PARD3B: variants seen among roughly 807,000 people sequenced by gnomAD.
PARD3B encodes the protein partitioning defective 3 homolog B.
In PARD3B, 103 loss-of-function variants were observed where a neutral mutation model predicts 130.2. The ratio of observed to expected loss-of-function variants is 0.79; its 90% CI spans 0.67 to 0.93. The LOEUF (loss-of-function observed/expected upper bound fraction) is 0.93. Among genes scored for constraint, PARD3B ranks in the 40% least tolerant of loss-of-function variants. The pLI, the probability that PARD3B is intolerant of heterozygous loss-of-function variation, is 0.00. For missense variants in PARD3B, 1,609 were observed against 1,499.2 expected (o/e 1.07, Z -1.21); for synonymous variants, 583 against 553.2 (o/e 1.05, Z -0.76).
At chr2:205,437,343 C>A (rs2047553534) in intron 19 of PARD3B, among the ~76,000 whole-genome samples, 1 of 152,108 alleles carries the variant, frequency 6.6e-6, no homozygotes, top group Non-Finnish European at 1.5e-5. Context: ...ACAGATATGA[C>A]AGAAATACTC....
intron 3 of PARD3B, among the ~76,000 whole-genome samples, chr2:204,966,744 A>T (rs1404204588): frequency 6.6e-6 from 1 of 152,124 alleles, no homozygotes; most frequent in Non-Finnish European, 1.5e-5. Flanking sequence ...AAGAAAAAAA[A>T]GTCAGCCGAG....
chr2:204,842,775 C>T (rs2044305954), intron 2 of PARD3B, among the ~76,000 whole-genome samples: 1 of 152,138 alleles, frequency 6.6e-6, no homozygotes, highest in African/African-American at 2.4e-5. Flanking sequence ...TCGCTCTGTA[C>T]AGCAGGCCTG....
intron 16 of PARD3B, among the ~76,000 whole-genome samples, chr2:205,262,446 C>A (rs2040351372): frequency 6.6e-6 from 1 of 151,928 alleles, no homozygotes. Flanking sequence ...CACACAATAC[C>A]CTTGGCTCCA....
At chr2:205,064,986 A>C (rs552162481) in intron 4 of PARD3B, among the ~76,000 whole-genome samples, 1 of 152,308 alleles carries the variant, frequency 6.6e-6, no homozygotes, top group South Asian at 2.1e-4. Flanking sequence ...CTGTTGAATA[A>C]AAATCTTTGG....
intron 10 of PARD3B, among the ~76,000 whole-genome samples, chr2:205,153,126 G>A (rs972579778): frequency 2.6e-5 from 4 of 152,166 alleles, no homozygotes; most frequent in Non-Finnish European, 4.4e-5. Flanking sequence ...AGCAAACGTT[G>A]CTGCCTGATC....
chr2:205,566,223 G>A (rs55645693), intron 22 of PARD3B, among the ~76,000 whole-genome samples: 1 of 152,120 alleles, frequency 6.6e-6, no homozygotes, highest in Non-Finnish European at 1.5e-5. Flanking sequence ...ACCTTTGCGG[G>A]GTTTTAAGCA....
rs114247371 is a variant in PARD3B at position 205,226,515 on chromosome 2, T to C, written c.2141-19263T>C. ...GTTTTATATGTAAGTATTTAATCCA[T>C]GTAGATTTGATTTTTTTTTATATGG... On this transcript the variant is annotated intron_variant, in intron 15 of 22. Coordinates refer to ENST00000406610, the MANE Select transcript of PARD3B (RefSeq NM_001302769.2). 5.9e-3 allele frequency among the ~76,000 whole-genome samples: 906 copies of C among 152,292 alleles called. 11 individuals are homozygous for C. The highest frequency in any genetic ancestry group is 0.02 in the African/African-American group (851 of 41,546).
chr2:204,734,578 A>G (rs1251696670), intron 2 of PARD3B, among the ~76,000 whole-genome samples: 3 of 152,206 alleles, frequency 2.0e-5, no homozygotes, highest in African/African-American at 7.2e-5. Context: ...ATACAGTGGA[A>G]CAACTACTTT....
At chr2:204,752,537 A>T (rs2040505049) in intron 2 of PARD3B, among the ~76,000 whole-genome samples, 1 of 152,180 alleles carries the variant, frequency 6.6e-6, no homozygotes, top group Admixed American at 6.5e-5. Flanking sequence ...TGTGAAACCC[A>T]ACTTATTTTC....
rs955727531 is a variant in PARD3B, at chr2:205,281,001, G to C, written c.2186-19529G>C. Reference sequence around the variant, plus strand: ...AGCCATAAATTTTAACTTTACTTATGAGCAAAGGCTGAAACACTGTGAAAG... The same window carrying C: ...AGCCATAAATTTTAACTTTACTTATCAGCAAAGGCTGAAACACTGTGAAAG... On this transcript the variant is annotated intron_variant, in intron 16 of 22. Coordinates refer to ENST00000406610, the MANE Select transcript of PARD3B (RefSeq NM_001302769.2). The surrounding 1 kb of genome is among the most constrained non-coding windows in gnomAD (Gnocchi z 4.2). Among the ~76,000 whole-genome samples the C allele has an allele frequency of 6.6e-6, 1 of 152,132 alleles. No homozygotes were observed. The highest frequency in any genetic ancestry group is 1.5e-5 in the Non-Finnish European group (1 of 68,026).
chr2:205,440,453 A>G lies in PARD3B; in HGVS notation c.2825A>G (p.Tyr942Cys), dbSNP rs537597660. ...DYATGAIGSV[Y>C]DMDDDEMDPN... is the part of the protein sequence containing the mutation. Reference sequence around the variant, plus strand: ...GCTACTGGTGCAATTGGATCAGTGTATGATATGGATGATGATGAAATGGAC... The same window carrying G: ...GCTACTGGTGCAATTGGATCAGTGTGTGATATGGATGATGATGAAATGGAC... The change falls in exon 20 of 23, where the codon TAT becomes TGT. Residue 942 changes from tyrosine to cysteine, a missense_variant. Transcript: ENST00000406610. This position sits in a 1 kb window ranked among gnomAD's most constrained non-coding sequence, Gnocchi z 4.2. 3.1e-6 allele frequency: 5 copies of G among 1,614,112 alleles called. No individual in the cohort carries two copies. Among genetic ancestry groups the G allele is most frequent in the African/African-American group, 1.3e-5 (1 of 75,056 alleles).
intron 18 of PARD3B, among the ~76,000 whole-genome samples, chr2:205,307,805 A>G (rs1223446210): frequency 6.6e-6 from 1 of 152,114 alleles, no homozygotes; most frequent in Non-Finnish European, 1.5e-5. Context: ...CATTTTTTTT[A>G]TATAATAGCT....
chr2:204,901,970 A>G (rs11689804), intron 2 of PARD3B, among the ~76,000 whole-genome samples: 29,524 of 151,900 alleles, frequency 0.19, 3,468 homozygotes, highest in Non-Finnish European at 0.26. Flanking sequence ...CTGGTATCCC[A>G]GTTGCAAGAC....
At chr2:205,522,906 T>C (rs549854181) in intron 21 of PARD3B, among the ~76,000 whole-genome samples, 9 of 152,230 alleles carry the variant, frequency 5.9e-5, no homozygotes, top group African/African-American at 2.2e-4. Flanking sequence ...TTATTAATTA[T>C]ATTGTTTTTG....
intron 1 of PARD3B, among the ~76,000 whole-genome samples, chr2:204,583,745 C>T (rs142108412): frequency 6.1e-4 from 93 of 152,180 alleles, no homozygotes; most frequent in Middle Eastern, 3.4e-3. Flanking sequence ...GATTCCTGGC[C>T]CACTACAGAC....
chr2:205,553,204 C>A, intron 21 of PARD3B, 120 bp from the exon 22 acceptor site: 1 of 863,100 alleles, frequency 1.2e-6, no homozygotes, highest in Non-Finnish European at 1.8e-6. Flanking sequence ...GCTTGCTTTT[C>A]CATGGTTGAT....
chr2:205,002,099 C>A (rs555050699), intron 3 of PARD3B, among the ~76,000 whole-genome samples: 3 of 152,156 alleles, frequency 2.0e-5, no homozygotes, highest in African/African-American at 7.2e-5. Context: ...GTTTAAAAAC[C>A]CAACTGCCTG....
rs1431938358 is a variant in PARD3B, at chr2:205,176,422, T to C, written c.1792-23T>C. The C allele has an allele frequency of 3.8e-6, 6 of 1,578,202 alleles. No individual in the cohort carries two copies. Among genetic ancestry groups the C allele is most frequent in the South Asian group, 2.3e-5 (2 of 85,180 alleles). On this transcript the variant is annotated intron_variant, in intron 12 of 22. Transcript: ENST00000406610. The surrounding 1 kb of genome is among the most constrained non-coding windows in gnomAD (Gnocchi z 5.3). ...TTGGAACATATTAAAAATGCAAATG[T>C]AATTTTTACTTTTATCTCTTAGGAT...
At chr2:204,565,054 A>AGCTAAC (rs1476849856) in intron 1 of PARD3B, among the ~76,000 whole-genome samples, 1 of 152,206 alleles carries the variant, frequency 6.6e-6, no homozygotes, top group Non-Finnish European at 1.5e-5. Flanking sequence ...ATCTGCTCCA[A>AGCTAAC]GCTAACTCAG....
Sources: allele counts gnomAD v4.1 joint callset (sites outside exome capture counted in the v4.1 genomes callset), GRCh38; gene constraint gnomAD v4.1.1; non-coding constraint Gnocchi (gnomAD v3.1); transcripts MANE v1.5; gene names NCBI Gene and HGNC (gene_info 2026-07-23, HGNC 2026-07-21).